TRPM3: variants seen among roughly 807,000 people sequenced by gnomAD.
TRPM3 encodes transient receptor potential cation channel subfamily M member 3.
In TRPM3, 77 loss-of-function variants were observed where a neutral mutation model predicts 181.2. The observed-to-expected ratio is 0.42, with a 90% CI of 0.35 to 0.51. The LOEUF is 0.51. Among genes scored for constraint, TRPM3 ranks in the 20% least tolerant of loss-of-function variants. TRPM3 has a pLI of 0.01. For synonymous variants in TRPM3, 745 were observed against 796.4 expected, an observed-to-expected ratio of 0.94 and a Z score of 1.09; for missense variants, 1,759 against 2,196.7, an observed-to-expected ratio of 0.80 and a Z score of 3.98.
At chr9:71,056,662 A>C (rs1339972695) in intron 1 of TRPM3, among the ~76,000 whole-genome samples, 3 of 152,064 alleles carry the variant, frequency 2.0e-5, no homozygotes, top group African/African-American at 7.2e-5. Context: ...AAGAAGAAAA[A>C]ATTAGGACAC....
intron 1 of TRPM3, among the ~76,000 whole-genome samples, chr9:71,076,903 C>T (rs1008585432): frequency 1.3e-5 from 2 of 152,282 alleles, no homozygotes; most frequent in South Asian, 2.1e-4. Context: ...GCCTTGTTTA[C>T]CATCCTTTCT....
chr9:71,143,649 T>A (rs1405358698), intron 1 of TRPM3, among the ~76,000 whole-genome samples: 1 of 152,206 alleles, frequency 6.6e-6, no homozygotes, highest in Non-Finnish European at 1.5e-5. Flanking sequence ...GCAATGAACA[T>A]ACACATACAT....
chr9:70,902,383 C>T (rs2096399484), intron 1 of TRPM3, among the ~76,000 whole-genome samples: 1 of 152,154 alleles, frequency 6.6e-6, no homozygotes, highest in African/African-American at 2.4e-5. Context: ...CGGCACTGTA[C>T]ATATGTGATA....
At position 70,968,439 on chromosome 9, in the gene TRPM3, A is replaced by C. The variant is rs190349902; in HGVS notation, c.178-103928T>G. Among the ~76,000 whole-genome samples the C allele has an allele frequency of 3.0e-3, 452 of 152,218 alleles. 1 individual carries two copies. Among genetic ancestry groups the C allele is most frequent in the Non-Finnish European group, 4.6e-3 (312 of 68,010 alleles). On this transcript the variant is annotated intron_variant, in intron 1 of 25. Coordinates refer to ENST00000677713, the MANE Select transcript of TRPM3 (RefSeq NM_001366145.2). Reference sequence around the variant, plus strand: ...TATCATGCAATCAGTGCAGATTCTCAGTTCATATCTGTCCCTGGAGTCTTA... The same window carrying C: ...TATCATGCAATCAGTGCAGATTCTCCGTTCATATCTGTCCCTGGAGTCTTA...
chr9:71,341,468 C>A (rs1430295573), intron 1 of TRPM3, among the ~76,000 whole-genome samples: 2 of 152,030 alleles, frequency 1.3e-5, no homozygotes, highest in Admixed American at 1.3e-4. Flanking sequence ...AATGCACCAC[C>A]TCAACCTATT....
intron 12 of TRPM3, among the ~76,000 whole-genome samples, chr9:70,626,578 T>C (rs998277065): frequency 1.4e-4 from 21 of 152,310 alleles, no homozygotes; most frequent in Admixed American, 1.2e-3. Context: ...GGCTGGACTT[T>C]GTCTCACCTA....
chr9:70,605,203 G>T (rs146317495), intron 19 of TRPM3, among the ~76,000 whole-genome samples: 3 of 151,926 alleles, frequency 2.0e-5, no homozygotes, highest in South Asian at 4.2e-4. Context: ...TGATCTGCCC[G>T]CCTCGGCCTC....
chr9:71,346,267 A>G lies in TRPM3; in HGVS notation c.183+100386T>C, dbSNP rs545202619. On this transcript the variant is annotated intron_variant, in intron 1 of 24. Coordinates refer to the TRPM3 transcript ENST00000357533. ...GTATCCAACTGTACACTTAAAATCTACAGACTTTAAAAAATTGTTTAATTT... is the reference window on the plus strand; with the variant it reads ...GTATCCAACTGTACACTTAAAATCTGCAGACTTTAAAAAATTGTTTAATTT... Among the ~76,000 whole-genome samples the G allele has an allele frequency of 2.0e-5, 3 of 152,352 alleles. 1 individual carries two copies. In the South Asian group the frequency reaches 6.2e-4, roughly 32 times the overall value.
At position 70,591,038 on chromosome 9, in the gene TRPM3, C is replaced by G. The variant is rs768298525; in HGVS notation, c.3216G>C (p.Gln1072His). The G allele has an allele frequency of 4.3e-6, 7 of 1,614,186 alleles. No homozygotes were observed. The highest frequency in any genetic ancestry group is 5.9e-6 in the Non-Finnish European group (7 of 1,180,032). Residue 1072 changes from glutamine (Q) to histidine (H), a missense_variant, in exon 22 of 26, where the codon CAG (glutamine) becomes CAC (histidine). By Grantham distance (24) the Gln-to-His change is conservative (BLOSUM62 0). Around this residue, in one of 8 missense-constraint regions of TRPM3, gnomAD observed 94 missense variants for 221.3 expected, o/e 0.42. Transcript: ENST00000677713. ...AATCATAAACTTGCTTACGGTCTAT[C>G]TGGTCCGCAAACACTTCCCCATAAA... ...WMIYGEVFAD[Q>H]IDPPCGQNET...
chr9:71,123,014 G>A (rs1435480661), upstream of TRPM3, among the ~76,000 whole-genome samples: 1 of 152,182 alleles, frequency 6.6e-6, no homozygotes, highest in African/African-American at 2.4e-5. Flanking sequence ...ACCTTATGGA[G>A]TAGGTGTTAT....
At chr9:70,667,781 G>A (rs1207115253) in intron 9 of TRPM3, among the ~76,000 whole-genome samples, 4 of 152,114 alleles carry the variant, frequency 2.6e-5, no homozygotes, top group African/African-American at 4.8e-5. Context: ...CTGGTCTGCT[G>A]TTCTCCATTC....
intron 1 of TRPM3, among the ~76,000 whole-genome samples, chr9:70,941,569 C>T (rs2096886124): frequency 6.6e-6 from 1 of 152,212 alleles, no homozygotes; most frequent in South Asian, 2.1e-4. Context: ...ACATATACAT[C>T]TATCCTATTA....
At chr9:71,086,974 T>C (rs1472942834) in intron 1 of TRPM3, among the ~76,000 whole-genome samples, 1 of 151,992 alleles carries the variant, frequency 6.6e-6, no homozygotes, top group Non-Finnish European at 1.5e-5. Flanking sequence ...GAGCATTTTA[T>C]TTCCTTATGA....
At chr9:71,202,048 G>C (rs1171158723) in intron 1 of TRPM3, among the ~76,000 whole-genome samples, 1 of 152,194 alleles carries the variant, frequency 6.6e-6, no homozygotes, top group Non-Finnish European at 1.5e-5. Flanking sequence ...CCTTCTAACA[G>C]ACAGGACCCT....
chr9:70,907,193 G>A (rs1244088734), intron 1 of TRPM3, among the ~76,000 whole-genome samples: 1 of 152,128 alleles, frequency 6.6e-6, no homozygotes, highest in Non-Finnish European at 1.5e-5. Context: ...AATACTGGCA[G>A]GGCTTACACC....
At chr9:71,134,267 T>G (rs2074612588) in intron 1 of TRPM3, among the ~76,000 whole-genome samples, 1 of 152,102 alleles carries the variant, frequency 6.6e-6, no homozygotes, top group Admixed American at 6.5e-5. Context: ...TTCCAAATAT[T>G]CTTAAAAGAT....
chr9:71,287,637 G>GAA (rs34955327), intron 1 of TRPM3, among the ~76,000 whole-genome samples: 4,170 of 125,964 alleles, frequency 0.033, 177 homozygotes, highest in African/African-American at 0.11. Flanking sequence ...CATTTACTCA[G>GAA]AAAAAAAAAA....
intron 22 of TRPM3, among the ~76,000 whole-genome samples, chr9:70,554,028 GAAACA>G (rs1303904479): frequency 2.7e-5 from 4 of 149,932 alleles, no homozygotes; most frequent in Non-Finnish European, 5.9e-5. Context: ...CAGGGCACAG[GAAACA>G]AAACCTAACT....
intron 1 of TRPM3, among the ~76,000 whole-genome samples, chr9:71,028,785 A>C (rs2056918455): frequency 6.6e-6 from 1 of 152,206 alleles, no homozygotes; most frequent in Non-Finnish European, 1.5e-5. Context: ...CACCCACCAC[A>C]TGAGCACCCA....
Sources: allele counts gnomAD v4.1 joint callset (sites outside exome capture counted in the v4.1 genomes callset), GRCh38; gene constraint gnomAD v4.1.1; regional missense constraint gnomAD v4.1.1; transcripts MANE v1.5; gene names NCBI Gene and HGNC (gene_info 2026-07-23, HGNC 2026-07-21).